ADGRE1: variants seen among roughly 807,000 people sequenced by gnomAD.
ADGRE1 encodes the protein EGF-like module receptor 1.
In ADGRE1, 82 loss-of-function variants were observed where a neutral mutation model predicts 102.7. The ratio of observed to expected loss-of-function variants is 0.80; its 90% CI spans 0.67 to 0.96. The LOEUF is 0.96. Ranked by LOEUF, ADGRE1 falls within the 40% of genes least tolerant of loss-of-function variation. The probability of loss-of-function intolerance (pLI) is 0.00; values close to 1 mark genes in which losing one functional copy is unlikely to be tolerated. For missense variants in ADGRE1, 1,032 were observed against 1,085.3 expected (o/e 0.95, Z 0.69); for synonymous variants, 398 against 399.6 (o/e 1.00, Z 0.05).
Position 6,937,374 on chromosome 19 carries a change from C to T in ADGRE1, c.2513C>T (p.Ala838Val). The change falls in exon 19 of 21, where the codon GCC (alanine) becomes GTC (valine). Residue 838 changes from alanine to valine, a missense_variant. Ala to Val is a moderately conservative substitution (Grantham distance 64). Coordinates refer to ENST00000312053, the MANE Select transcript of ADGRE1 (RefSeq NM_001974.5). ...LFTIINSLQGAFIFLIHCLLN... is the reference protein window; with the variant it reads ...LFTIINSLQGVFIFLIHCLLN... ...ACCATCATCAACAGCCTGCAGGGGGCCTTCATCTTCCTCATCCACTGTCTG... is the reference window on the plus strand; with the variant it reads ...ACCATCATCAACAGCCTGCAGGGGGTCTTCATCTTCCTCATCCACTGTCTG... 6.2e-7 allele frequency: 1 copy of T among 1,613,908 alleles called. No homozygotes were observed. Among genetic ancestry groups the T allele is most frequent in the Non-Finnish European group, 8.5e-7 (1 of 1,179,994 alleles).
intron 18 of ADGRE1, 150 bp from the exon 19 acceptor site, chr19:6,937,093 C>T (rs1975443540): frequency 3.8e-6 from 3 of 790,710 alleles, no homozygotes; most frequent in South Asian, 1.9e-5. Context: ...TTTGATTTTG[C>T]AACACCTAGG....
intron 5 of ADGRE1, chr19:6,898,562 T>C: frequency 6.7e-7 from 1 of 1,496,158 alleles, no homozygotes; most frequent in Non-Finnish European, 9.2e-7. Context: ...TCTTATCTGC[T>C]CACCCTCTTT....
chr19:6,916,147 C>G, intron 11 of ADGRE1, 102 bp from the exon 12 acceptor site: 2 of 1,346,450 alleles, frequency 1.5e-6, no homozygotes, highest in South Asian at 2.8e-5. Context: ...TATTCTTTTC[C>G]TTTGCTCGCC....
chr19:6,893,420 C>T (rs1221110482), intron 2 of ADGRE1, among the ~76,000 whole-genome samples: 4 of 152,084 alleles, frequency 2.6e-5, no homozygotes, highest in South Asian at 4.1e-4. Context: ...AGGCTGGTCT[C>T]GAACTCCCGA....
intron 10 of ADGRE1, among the ~76,000 whole-genome samples, chr19:6,909,073 G>A (rs1309459793): frequency 6.6e-6 from 1 of 151,226 alleles, no homozygotes; most frequent in Non-Finnish European, 1.5e-5. Context: ...GGTGGAGGTT[G>A]TGGTGAGCCA....
chr19:6,910,062 T>A (rs566570306), intron 10 of ADGRE1, among the ~76,000 whole-genome samples: 7 of 152,158 alleles, frequency 4.6e-5, no homozygotes, highest in South Asian at 2.1e-4. Flanking sequence ...AGCTTTAAGT[T>A]GAACTCATTG....
chr19:6,933,750 C>T (rs1329058932), intron 17 of ADGRE1, among the ~76,000 whole-genome samples: 1 of 152,074 alleles, frequency 6.6e-6, no homozygotes, highest in Non-Finnish European at 1.5e-5. Flanking sequence ...TGCATAGAAG[C>T]CAGGGATGCT....
chr19:6,914,598 C>T (rs1270293388), intron 11 of ADGRE1, among the ~76,000 whole-genome samples: 1 of 152,112 alleles, frequency 6.6e-6, no homozygotes, highest in Non-Finnish European at 1.5e-5. Context: ...GCCCAGACGG[C>T]CAAGAGGTGG....
chr19:6,899,363 G>A lies in ADGRE1; in HGVS notation c.514+1816G>A, dbSNP rs141430412. ...AACCAAGAATAATCTGACCCTAAAT[G>A]CCAATAGTGCTGAGGTGGAAAAACC... On this transcript the variant is annotated intron_variant, in intron 5 of 20. Transcript: ENST00000312053. 2.8e-4 allele frequency among the ~76,000 whole-genome samples: 42 copies of A among 152,228 alleles called. No homozygotes were observed. In the East Asian group the frequency reaches 6.8e-3, roughly 25 times the overall value.
At chr19:6,935,127 T>C in intron 18 of ADGRE1, 49 bp downstream of exon 18, 3 of 1,473,704 alleles carry the variant, frequency 2.0e-6, no homozygotes, top group Non-Finnish European at 2.8e-6. Flanking sequence ...CTCTTTCTTC[T>C]TCCCAGAAAA....
intron 12 of ADGRE1, 61 bp from the exon 13 acceptor site, chr19:6,919,487 C>A: frequency 4.7e-6 from 5 of 1,057,736 alleles, no homozygotes; most frequent in Non-Finnish European, 6.7e-6. Context: ...TGTGTTGGGT[C>A]TTCTATAATA....
chr19:6,901,198 T>C (rs907114334), intron 5 of ADGRE1, among the ~76,000 whole-genome samples: 1 of 152,236 alleles, frequency 6.6e-6, no homozygotes, highest in Non-Finnish European at 1.5e-5. Context: ...TAGCTACACC[T>C]AGCTGCAAGA....
chr19:6,898,825 A>G, intron 5 of ADGRE1: 2 of 415,808 alleles, frequency 4.8e-6, no homozygotes, highest in East Asian at 3.8e-5. Flanking sequence ...AGTTGCCTAT[A>G]TATTTTTCTA....
intron 10 of ADGRE1, among the ~76,000 whole-genome samples, chr19:6,913,388 G>A (rs976727360): frequency 2.2e-5 from 3 of 137,670 alleles, no homozygotes; most frequent in African/African-American, 5.3e-5. Context: ...CACTATGTTT[G>A]CCAGGCTGGT....
chr19:6,927,722 C>T lies in ADGRE1; in HGVS notation c.2223-423C>T, dbSNP rs1568361264. 1.3e-5 allele frequency among the ~76,000 whole-genome samples: 2 copies of T among 151,892 alleles called. 1 individual carries two copies. The highest frequency in any genetic ancestry group is 4.2e-4 in the South Asian group (2 of 4,818). The stretch of plus-strand genomic sequence containing the variant: ...TGTCACCCAGGCTGGAGTGCGGTGG[C>T]GTGATCTCAGCTCACTGCAACCTCC... On this transcript the variant is annotated intron_variant, in intron 16 of 20. Transcript: ENST00000312053.
chr19:6,899,815 G>A (rs947393907), intron 5 of ADGRE1, among the ~76,000 whole-genome samples: 5 of 151,940 alleles, frequency 3.3e-5, no homozygotes, highest in African/African-American at 7.2e-5. Flanking sequence ...TTAATCAGCC[G>A]GGCGCAGTGG....
In ADGRE1 at chr19:6,913,790, C is replaced by G; in HGVS notation, c.1260C>G (p.Pro420=). Residue 420 remains proline, a synonymous_variant, in exon 11 of 21, where the codon CCC becomes CCG. Coordinates refer to ENST00000312053, the MANE Select transcript of ADGRE1 (RefSeq NM_001974.5). ...TGACACTGGCATCTTTTTGGAAACC[C>G]TCAGCAAATATCACTCCGGCTGTTC... ...ESMTLASFWK[P]SANITPAVRT... 6.2e-7 allele frequency: 1 copy of G among 1,611,374 alleles called. No individual in the cohort carries two copies. Among genetic ancestry groups the G allele is most frequent in the South Asian group, 1.1e-5 (1 of 90,374 alleles).
chr19:6,932,633 C>G (rs78562771), intron 17 of ADGRE1, among the ~76,000 whole-genome samples: 2,379 of 152,234 alleles, frequency 0.016, 69 homozygotes, highest in African/African-American at 0.054. Context: ...TATAGCTTCT[C>G]CATTGCACTC....
rs535936840 is a variant in ADGRE1 at position 6,937,423 on chromosome 19, C to T, written c.2550+12C>T. 3.1e-6 allele frequency: 5 copies of T among 1,610,790 alleles called. No individual in the cohort carries two copies. Among genetic ancestry groups the T allele is most frequent in the African/African-American group, 2.7e-5 (2 of 74,864 alleles). On this transcript the variant is annotated intron_variant, in intron 19 of 20. Coordinates refer to ENST00000312053, the MANE Select transcript of ADGRE1 (RefSeq NM_001974.5). ...TGCTCAACGGCCAGGTGTGTAGCTG[C>T]TGCCCTCCCCATCCCCCTCCTCCCA...
Sources: gnomAD v4.1 joint callset for allele counts (sites outside exome capture counted in the v4.1 genomes callset) on GRCh38, gnomAD v4.1.1 for gene constraint, MANE v1.5 for transcripts, NCBI Gene and HGNC (gene_info 2026-07-23, HGNC 2026-07-21) for gene names.